SPHKAP: variants seen among roughly 807,000 people sequenced by gnomAD.
SPHKAP encodes A-kinase anchor protein SPHKAP.
In SPHKAP, 67 loss-of-function variants were observed where a neutral mutation model predicts 137.5. That is an observed-to-expected ratio of 0.49 (90% CI 0.40 to 0.60). SPHKAP has a LOEUF of 0.60. Ranked by LOEUF, SPHKAP falls within the 20% of genes least tolerant of loss-of-function variation. The pLI is 0.00. For synonymous variants in SPHKAP, 813 were observed against 785.3 expected (o/e 1.04, Z -0.59); for missense variants, 2,097 against 2,069.3 (o/e 1.01, Z -0.26).
intron 7 of SPHKAP, among the ~76,000 whole-genome samples, chr2:228,015,543 C>G (rs1694548673): frequency 6.6e-6 from 1 of 152,100 alleles, no homozygotes; most frequent in African/African-American, 2.4e-5. Flanking sequence ...ATTCAAGAAT[C>G]TTATAAATTT....
rs116646233 is a variant in SPHKAP, at chr2:228,128,721, T to C, written c.138+3259A>G. Among the ~76,000 whole-genome samples, 759 of 152,346 alleles carry C rather than the reference T, an allele frequency of 5.0e-3. 6 individuals are homozygous for C. Among genetic ancestry groups the C allele is most frequent in the African/African-American group, 0.017 (710 of 41,580 alleles). ...TTCATGGGCTGCAGAATGGAAGTTG[T>C]GTTAGCAGGCATGAAAACATTATTA... On this transcript the variant is annotated intron_variant, in intron 2 of 11. Transcript: ENST00000392056.
At chr2:228,009,602 C>A (rs1694287254) in intron 7 of SPHKAP, among the ~76,000 whole-genome samples, 1 of 152,006 alleles carries the variant, frequency 6.6e-6, no homozygotes, top group Non-Finnish European at 1.5e-5. Flanking sequence ...CTTTGTGTAG[C>A]ATTTTTTGCT....
chr2:228,107,789 T>C (rs547136935), intron 3 of SPHKAP, among the ~76,000 whole-genome samples: 6 of 152,320 alleles, frequency 3.9e-5, no homozygotes, highest in African/African-American at 1.2e-4. Context: ...TTTTGCCACT[T>C]AATTCTTTGT....
In SPHKAP at chr2:228,092,208, CATAT is replaced by C. The variant is rs138374843; in HGVS notation, c.246+16620_246+16623del. On this transcript the variant is annotated intron_variant, in intron 3 of 11. Transcript: ENST00000392056. ...GTACATGCATACACATGCATACACACATATATACACACATATATACACACATGTA... is the reference window on the plus strand; with the variant it reads ...GTACATGCATACACATGCATACACACATACACACATATATACACACATGTA... Among the ~76,000 whole-genome samples the C allele has an allele frequency of 4.7e-4, 68 of 145,234 alleles. 2 individuals carry two copies. In the Middle Eastern group the frequency reaches 0.012, roughly 25 times the overall value.
chr2:228,180,067 C>T (rs920033537), intron 1 of SPHKAP, among the ~76,000 whole-genome samples: 1 of 152,130 alleles, frequency 6.6e-6, no homozygotes, highest in African/African-American at 2.4e-5. Flanking sequence ...GCGTAAACAT[C>T]ACTGGCAATT....
intron 2 of SPHKAP, among the ~76,000 whole-genome samples, chr2:228,122,930 G>A (rs928187394): frequency 2.0e-5 from 3 of 152,106 alleles, no homozygotes; most frequent in African/African-American, 7.2e-5. Context: ...GGTCTCAGAT[G>A]TACCACCACT....
chr2:228,068,570 G>A (rs1449941091), intron 3 of SPHKAP, among the ~76,000 whole-genome samples: 1 of 152,114 alleles, frequency 6.6e-6, no homozygotes, highest in Non-Finnish European at 1.5e-5. Flanking sequence ...TTCAACAAAG[G>A]TGCCAAGAAC....
At chr2:228,083,824 A>T (rs1440684095) in intron 3 of SPHKAP, among the ~76,000 whole-genome samples, 2 of 152,152 alleles carry the variant, frequency 1.3e-5, no homozygotes, top group African/African-American at 4.8e-5. Context: ...CAGCAAACTA[A>T]CACAGGAACA....
At chr2:228,131,475 G>A (rs898122976) in intron 2 of SPHKAP, among the ~76,000 whole-genome samples, 1 of 141,574 alleles carries the variant, frequency 7.1e-6, no homozygotes, top group African/African-American at 2.6e-5. Context: ...AAGTATCTTA[G>A]AGCATAGTTT....
intron 2 of SPHKAP, among the ~76,000 whole-genome samples, chr2:228,109,828 G>T (rs371791295): frequency 6.6e-6 from 1 of 151,806 alleles, no homozygotes; most frequent in Non-Finnish European, 1.5e-5. Flanking sequence ...TTGGCCAGGC[G>T]TGGTGGTGCG....
At chr2:228,057,018 T>C (rs902694003) in intron 3 of SPHKAP, among the ~76,000 whole-genome samples, 2 of 152,174 alleles carry the variant, frequency 1.3e-5, no homozygotes, top group East Asian at 1.9e-4. Context: ...AAGCATGCGC[T>C]CTCAAATGCC....
chr2:228,044,687 A>G (rs2106263421), intron 3 of SPHKAP, among the ~76,000 whole-genome samples: 1 of 152,016 alleles, frequency 6.6e-6, no homozygotes, highest in East Asian at 1.9e-4. Flanking sequence ...GGAGAAAAAC[A>G]AAACAAAATA....
At chr2:228,028,597 A>T (rs1205909258) in intron 3 of SPHKAP, among the ~76,000 whole-genome samples, 1 of 152,240 alleles carries the variant, frequency 6.6e-6, no homozygotes, top group East Asian at 1.9e-4. Flanking sequence ...ATGTTTACAT[A>T]TGTTTAGATA....
intron 2 of SPHKAP, among the ~76,000 whole-genome samples, chr2:228,112,478 T>C (rs777368690): frequency 1.2e-4 from 18 of 152,260 alleles, no homozygotes; most frequent in Non-Finnish European, 2.4e-4. Flanking sequence ...AACTGTCACT[T>C]ATCGGTATCA....
At chr2:228,045,505 A>G (rs1559144668) in intron 3 of SPHKAP, among the ~76,000 whole-genome samples, 1 of 151,682 alleles carries the variant, frequency 6.6e-6, no homozygotes, top group East Asian at 1.9e-4. Context: ...AGGACAAAAA[A>G]CCAAACACCA....
At chr2:228,178,735 T>A (rs1437638544) in intron 1 of SPHKAP, among the ~76,000 whole-genome samples, 1 of 152,152 alleles carries the variant, frequency 6.6e-6, no homozygotes, top group Non-Finnish European at 1.5e-5. Context: ...CATGGAAACA[T>A]TTAATCTCTG....
At chr2:228,052,190 G>T (rs1158981415) in intron 3 of SPHKAP, among the ~76,000 whole-genome samples, 1 of 140,328 alleles carries the variant, frequency 7.1e-6, no homozygotes, top group Non-Finnish European at 1.6e-5. Flanking sequence ...AGAACAAAAA[G>T]AAAAAAAAAA....
intron 7 of SPHKAP, among the ~76,000 whole-genome samples, chr2:228,008,736 G>A (rs1457811102): frequency 6.6e-6 from 1 of 151,088 alleles, no homozygotes; most frequent in Non-Finnish European, 1.5e-5. Flanking sequence ...GTTTATTGAA[G>A]AGACTATCTT....
rs1022408228 is a variant in SPHKAP at position 228,001,330 on chromosome 2, C to T, written c.4449-5636G>A. ...ATCTATACATATATAAATATATATACATATATAAATATATATACACATATA... is the reference window on the plus strand; with the variant it reads ...ATCTATACATATATAAATATATATATATATATAAATATATATACACATATA... On this transcript the variant is annotated intron_variant, in intron 7 of 11. Transcript: ENST00000392056. Among the ~76,000 whole-genome samples, 6 of 137,974 alleles carry T rather than the reference C, an allele frequency of 4.3e-5. No homozygotes were observed. The South Asian group carries it at 1.3e-3, about 31-fold the overall frequency. The allele number at this position is 137,974 out of a possible 152,430, so 90.5% of individuals were successfully genotyped here.
Sources: gnomAD v4.1 joint callset for allele counts (sites outside exome capture counted in the v4.1 genomes callset) on GRCh38, gnomAD v4.1.1 for gene constraint, MANE v1.5 for transcripts, NCBI Gene and HGNC (gene_info 2026-07-23, HGNC 2026-07-21) for gene names.